The following SPAG16 variants were observed in gnomAD, a reference collection of about 807,000 sequenced individuals.
The protein encoded by SPAG16 is sperm associated antigen 16.
Under a neutral mutation model 80.4 loss-of-function variants are expected in SPAG16, and 86 were observed. That is an observed-to-expected ratio of 1.07 (90% confidence interval 0.90 to 1.28). The LOEUF is 1.28. Ranked by LOEUF, SPAG16 falls within the 50% of genes most tolerant of loss-of-function variation. The pLI is 0.00. For missense variants in SPAG16, 870 were observed against 765.3 expected (o/e 1.14, Z -1.61); for synonymous variants, 294 against 265.9 (o/e 1.11, Z -1.03).
chr2:214,143,318 A>G (rs1284107607), intron 14 of SPAG16, among the ~76,000 whole-genome samples: 1 of 149,408 alleles, frequency 6.7e-6, no homozygotes, highest in Non-Finnish European at 1.5e-5. Context: ...ACACATAGTA[A>G]TTACCCAATT....
At chr2:213,825,467 A>G (rs546052756) in intron 10 of SPAG16, among the ~76,000 whole-genome samples, 2 of 152,228 alleles carry the variant, frequency 1.3e-5, no homozygotes, top group East Asian at 1.9e-4. Flanking sequence ...CTTTTTCAGC[A>G]TCAATTGAAA....
At chr2:214,343,145 A>G (rs1255642574) in intron 15 of SPAG16, among the ~76,000 whole-genome samples, 1 of 152,200 alleles carries the variant, frequency 6.6e-6, no homozygotes, top group Non-Finnish European at 1.5e-5. Flanking sequence ...TTAAAAATTT[A>G]GGGTACTACC....
intron 10 of SPAG16, among the ~76,000 whole-genome samples, chr2:213,643,395 TATATATATATATA>T (rs2062694596): frequency 1.1e-5 from 1 of 87,550 alleles, no homozygotes; most frequent in Non-Finnish European, 2.3e-5. Flanking sequence ...TATATATATA[TATATATATATATA>T]TATTTTATCT....
intron 11 of SPAG16, among the ~76,000 whole-genome samples, chr2:213,898,935 A>T (rs576879657): frequency 2.3e-4 from 35 of 152,274 alleles, no homozygotes; most frequent in African/African-American, 7.9e-4. Context: ...GAAATGAAAC[A>T]TGAGAGGTAA....
intron 9 of SPAG16, among the ~76,000 whole-genome samples, chr2:213,476,072 G>C (rs1273304575): frequency 6.6e-6 from 1 of 152,160 alleles, no homozygotes; most frequent in Non-Finnish European, 1.5e-5. Context: ...AGAATAGACA[G>C]AAACAACATG....
At chr2:213,596,876 G>GT (rs796069416) in intron 10 of SPAG16, among the ~76,000 whole-genome samples, 3 of 151,380 alleles carry the variant, frequency 2.0e-5, no homozygotes, top group Non-Finnish European at 4.4e-5. Flanking sequence ...CCCCCTCCTA[G>GT]TTTTTTTTTC....
chr2:214,271,906 G>C (rs765661777), intron 15 of SPAG16, among the ~76,000 whole-genome samples: 4 of 151,368 alleles, frequency 2.6e-5, no homozygotes, highest in Non-Finnish European at 4.4e-5. Flanking sequence ...TTATAGGAAT[G>C]TCATTTGAGC....
intron 12 of SPAG16, among the ~76,000 whole-genome samples, chr2:213,993,428 T>A (rs766876013): frequency 8.5e-5 from 13 of 152,198 alleles, no homozygotes; most frequent in Non-Finnish European, 1.6e-4. Flanking sequence ...ATTTGTTAAC[T>A]ATGGTTGTTC....
intron 10 of SPAG16, among the ~76,000 whole-genome samples, chr2:213,676,664 T>C (rs2125242291): frequency 6.6e-6 from 1 of 152,218 alleles, no homozygotes; most frequent in Non-Finnish European, 1.5e-5. Flanking sequence ...TCTTTGATTC[T>C]GCTTATATGC....
At chr2:213,742,204 C>T (rs2067585255) in intron 10 of SPAG16, among the ~76,000 whole-genome samples, 1 of 151,408 alleles carries the variant, frequency 6.6e-6, no homozygotes, top group South Asian at 2.1e-4. Flanking sequence ...AATTTTTTCC[C>T]TAAGAATTTT....
In SPAG16 at chr2:214,410,430, G is replaced by T; in HGVS notation, c.*115G>T. 1 of 967,092 alleles carries T rather than the reference G, an allele frequency of 1.0e-6. No homozygotes were observed. The highest frequency in any genetic ancestry group is 1.9e-5 in the South Asian group (1 of 53,306). The allele number at this position is 967,092 out of a possible 1,614,324, so 59.9% of individuals were successfully genotyped here. On this transcript the variant is annotated 3_prime_UTR_variant, in exon 16 of 16. Transcript: ENST00000331683. ...TGCCAGCAGGTAACATTTACAGTCT[G>T]CTTTAAAACATGCTTTGGACATATA...
chr2:213,915,869 C>G (rs2077935566), intron 11 of SPAG16, among the ~76,000 whole-genome samples: 1 of 152,140 alleles, frequency 6.6e-6, no homozygotes, highest in Non-Finnish European at 1.5e-5. Flanking sequence ...CTCTAATGAC[C>G]AGTGATGACG....
intron 11 of SPAG16, 61 bp downstream of exon 11, chr2:213,862,689 G>A: frequency 2.6e-6 from 4 of 1,558,628 alleles, no homozygotes; most frequent in Middle Eastern, 1.8e-4. Context: ...CCTTTACTCT[G>A]TCTGCTCACT....
At chr2:213,836,099 G>T (rs2074056483) in intron 10 of SPAG16, among the ~76,000 whole-genome samples, 1 of 151,474 alleles carries the variant, frequency 6.6e-6, no homozygotes, top group Non-Finnish European at 1.5e-5. Context: ...AGCTTGAGTG[G>T]ACACAATCAA....
chr2:213,847,248 T>C (rs1199629279), intron 10 of SPAG16, among the ~76,000 whole-genome samples: 2 of 152,200 alleles, frequency 1.3e-5, no homozygotes, highest in Non-Finnish European at 2.9e-5. Context: ...GGTTTTGGCA[T>C]GGACATTGTG....
intron 10 of SPAG16, among the ~76,000 whole-genome samples, chr2:213,532,345 CTG>C (rs1162008940): frequency 6.6e-6 from 1 of 152,032 alleles, no homozygotes; most frequent in Non-Finnish European, 1.5e-5. Flanking sequence ...TTTATATACT[CTG>C]TGTTAAAAAT....
At chr2:214,277,510 T>A (rs1455631353) in intron 15 of SPAG16, among the ~76,000 whole-genome samples, 1 of 152,204 alleles carries the variant, frequency 6.6e-6, no homozygotes, top group African/African-American at 2.4e-5. Flanking sequence ...GCTGTTCCTT[T>A]CTGTTTGTTA....
intron 13 of SPAG16, among the ~76,000 whole-genome samples, chr2:214,025,396 T>A (rs1383807717): frequency 6.6e-6 from 1 of 151,676 alleles, no homozygotes; most frequent in Non-Finnish European, 1.5e-5. Flanking sequence ...TAATTTTACT[T>A]CAACATATAG....
At chr2:213,326,851 T>C (rs977691686) in intron 5 of SPAG16, among the ~76,000 whole-genome samples, 2 of 151,996 alleles carry the variant, frequency 1.3e-5, no homozygotes, top group Admixed American at 6.6e-5. Context: ...AATAAAATTA[T>C]TTTACCATGG....
Sources: gnomAD v4.1 joint callset for allele counts (sites outside exome capture counted in the v4.1 genomes callset) on GRCh38, gnomAD v4.1.1 for gene constraint, MANE v1.5 for transcripts, NCBI Gene and HGNC (gene_info 2026-07-23, HGNC 2026-07-21) for gene names.